Variants in ZBTB25 observed in about 807,000 individuals in gnomAD.
The protein encoded by ZBTB25 is zinc finger and BTB domain containing 25, also known as zinc finger and BTB domain-containing protein 25.
In ZBTB25, 20 loss-of-function variants were observed where a neutral mutation model predicts 34.2. The ratio of observed to expected loss-of-function variants is 0.58; its 90% CI spans 0.41 to 0.85. The LOEUF is 0.85. ZBTB25 is among the 40% of genes least tolerant of loss of function. The pLI is 0.00. For synonymous variants in ZBTB25, 175 were observed against 186.4 expected (o/e 0.94, Z 0.50); for missense variants, 437 against 521.8 (o/e 0.84, Z 1.58).
intron 2 of ZBTB25, among the ~76,000 whole-genome samples, chr14:64,459,099 A>G (rs765859603): frequency 3.3e-5 from 5 of 152,226 alleles, no homozygotes; most frequent in Non-Finnish European, 5.9e-5. Context: ...GTCACAGGGA[A>G]GATGACTTTC....
chr14:64,486,903 A>G lies in ZBTB25; in HGVS notation c.*20T>C. 6.5e-7 allele frequency: 1 copy of G among 1,537,124 alleles called. No homozygotes were observed. Among genetic ancestry groups the G allele is most frequent in the Non-Finnish European group, 8.8e-7 (1 of 1,142,488 alleles). On this transcript the variant is annotated 3_prime_UTR_variant, in exon 3 of 3. Transcript: ENST00000608382. ...ATTTTCTTTTTCAGAATTGGTATAAAAATTCTGAAAGAGAAGCTGCTACTC... is the reference window on the plus strand; with the variant it reads ...ATTTTCTTTTTCAGAATTGGTATAAGAATTCTGAAAGAGAAGCTGCTACTC...
upstream of ZBTB25, chr14:64,504,632 A>G: frequency 3.2e-6 from 1 of 309,854 alleles, no homozygotes; most frequent in Non-Finnish European, 5.8e-6. Context: ...CCAGCGGCAG[A>G]GTGGGTGGGC....
upstream of ZBTB25, chr14:64,504,988 C>T (rs988661867): frequency 7.6e-6 from 3 of 392,406 alleles, no homozygotes; most frequent in African/African-American, 2.1e-5. Context: ...GCAACTTTGG[C>T]CCAGGCCGGA....
At position 64,482,162 on chromosome 14, in the gene ZBTB25, A is replaced by G. The variant is rs2078802255; in HGVS notation, c.*4761T>C. ...TATTTAGATCACCTACATCAAAGAA[A>G]TAAAAATAGGCTGGGCCCAGTGGCC... On this transcript the variant is annotated 3_prime_UTR_variant, in exon 3 of 3. Coordinates refer to ENST00000608382, the MANE Select transcript of ZBTB25 (RefSeq NM_006977.5). 6.6e-6 allele frequency: 1 copy of G among 152,164 alleles called. No individual in the cohort carries two copies. Among genetic ancestry groups the G allele is most frequent in the African/African-American group, 2.4e-5 (1 of 41,426 alleles). The allele number at this position is 152,164 out of a possible 1,614,324, so 9.4% of individuals were successfully genotyped here. A position where few individuals can be genotyped will look rare whatever the true frequency, so the allele number is the denominator to read the frequency against.
chr14:64,458,648 G>A, intron 2 of ZBTB25: 1 of 376,440 alleles, frequency 2.7e-6, no homozygotes, highest in Non-Finnish European at 5.1e-6. Context: ...CAGAGTTGAT[G>A]ACACATTGCA....
At position 64,479,443 on chromosome 14, in the gene ZBTB25, T is replaced by C. The variant is rs375745080; in HGVS notation, c.*7480A>G. 24 of 152,288 alleles carry C rather than the reference T, an allele frequency of 1.6e-4. No individual in the cohort carries two copies. In the East Asian group the frequency reaches 4.0e-3, roughly 26 times the overall value. 9.4% of individuals were successfully genotyped at this position (152,288 alleles called of 1,614,324 possible). On this transcript the variant is annotated 3_prime_UTR_variant, in exon 3 of 3. Coordinates refer to ENST00000608382, the MANE Select transcript of ZBTB25 (RefSeq NM_006977.5). ...GGGGATAGCCCTGTGTAATGTTTAA[T>C]TTTATGTGTCCAAATGACTGGGCCA...
At position 64,478,945 on chromosome 14, in the gene ZBTB25, T is replaced by G. The variant is rs1229702490; in HGVS notation, c.*7978A>C. On this transcript the variant is annotated 3_prime_UTR_variant, in exon 3 of 3. Transcript: ENST00000608382. ...TGAAGAGACCTCTTTGGGGAGACAATTATTTAGTTCAAACATTATATGAAT... is the reference window on the plus strand; with the variant it reads ...TGAAGAGACCTCTTTGGGGAGACAAGTATTTAGTTCAAACATTATATGAAT... 6.6e-6 allele frequency: 1 copy of G among 152,202 alleles called. No homozygotes were observed. Among genetic ancestry groups the G allele is most frequent in the East Asian group, 1.9e-4 (1 of 5,204 alleles). The allele number at this position is 152,202 out of a possible 1,614,324, so 9.4% of individuals were successfully genotyped here. A position where few individuals can be genotyped will look rare whatever the true frequency, so the allele number is the denominator to read the frequency against.
At chr14:64,454,963 A>AACTCT in intron 2 of ZBTB25, 1 of 1,383,634 alleles carries the variant, frequency 7.2e-7, no homozygotes, top group Non-Finnish European at 1.0e-6. Context: ...ATGCCAAGTG[A>AACTCT]GCAGAGTTCA....
chr14:64,450,351 A>AG (rs1169533512), intron 2 of ZBTB25, among the ~76,000 whole-genome samples: 1 of 152,204 alleles, frequency 6.6e-6, no homozygotes, highest in East Asian at 1.9e-4. Flanking sequence ...GTAATAGGGG[A>AG]AAGAAGTGTG....
downstream of ZBTB25, among the ~76,000 whole-genome samples, chr14:64,477,684 C>G (rs1272443252): frequency 6.6e-6 from 1 of 152,196 alleles, no homozygotes; most frequent in African/African-American, 2.4e-5. Flanking sequence ...GGTTTTCCTC[C>G]CTATATGGTA....
chr14:64,459,982 G>A lies in ZBTB25; in HGVS notation c.174-10344C>T, dbSNP rs555466113. On this transcript the variant is annotated intron_variant, in intron 2 of 2. Coordinates refer to the ZBTB25 transcript ENST00000555220. Reference sequence around the variant, plus strand: ...CTGTTTACTTTAGTGACGTTCCACAGAATAAAAGGAAACAAGTTTGCCATC... The same window carrying A: ...CTGTTTACTTTAGTGACGTTCCACAAAATAAAAGGAAACAAGTTTGCCATC... 3.4e-6 allele frequency: 5 copies of A among 1,450,270 alleles called. No individual in the cohort carries two copies. In the East Asian group the frequency reaches 7.4e-5, roughly 22 times the overall value. 89.8% of individuals were successfully genotyped at this position (1,450,270 alleles called of 1,614,324 possible).
intron 2 of ZBTB25, among the ~76,000 whole-genome samples, chr14:64,464,479 T>C (rs1164203244): frequency 3.9e-5 from 6 of 152,232 alleles, no homozygotes; most frequent in Non-Finnish European, 8.8e-5. Context: ...TAAGCCTCTG[T>C]GGAAACTACA....
At chr14:64,468,373 A>G in intron 2 of ZBTB25, 1 of 1,556,838 alleles carries the variant, frequency 6.4e-7, no homozygotes, top group Admixed American at 2.1e-5. Context: ...AGTTTTCTAG[A>G]GAATAAGAGT....
intron 1 of ZBTB25, among the ~76,000 whole-genome samples, chr14:64,495,958 A>G (rs2079260487): frequency 7.0e-6 from 1 of 142,126 alleles, no homozygotes; most frequent in Non-Finnish European, 1.6e-5. Flanking sequence ...TCCATCTCAA[A>G]AGGAAAAAAA....
At chr14:64,492,244 T>C (rs2079109025) in intron 1 of ZBTB25, among the ~76,000 whole-genome samples, 1 of 151,660 alleles carries the variant, frequency 6.6e-6, no homozygotes, top group Non-Finnish European at 1.5e-5. Flanking sequence ...TTTGCTCTTG[T>C]TGACCAGGCT....
At chr14:64,473,309 G>A (rs1050897181), downstream of ZBTB25, 1 of 167,080 alleles carries the variant, frequency 6.0e-6, no homozygotes, top group Admixed American at 6.5e-5. Context: ...CATAAATGGA[G>A]TTGTTCAGAA....
In ZBTB25 at chr14:64,480,462, T is replaced by C. The variant is rs536869227; in HGVS notation, c.*6461A>G. On this transcript the variant is annotated 3_prime_UTR_variant, in exon 3 of 3. Coordinates refer to ENST00000608382, the MANE Select transcript of ZBTB25 (RefSeq NM_006977.5). Reference sequence around the variant, plus strand: ...AATTTTCGATTAACACAGATTATGGTCGGTAAGAATTAGGTCCACAAATGC... The same window carrying C: ...AATTTTCGATTAACACAGATTATGGCCGGTAAGAATTAGGTCCACAAATGC... 457 of 340,324 alleles carry C rather than the reference T, an allele frequency of 1.3e-3. 3 individuals carry two copies. Among genetic ancestry groups the C allele is most frequent in the African/African-American group, 9.3e-3 (422 of 45,262 alleles). The allele number at this position is 340,324 out of a possible 1,614,324, so 21.1% of individuals were successfully genotyped here.
intron 2 of ZBTB25, chr14:64,468,552 C>G (rs748943738): frequency 4.6e-5 from 75 of 1,613,960 alleles, no homozygotes; most frequent in Non-Finnish European, 5.9e-5. Context: ...AAAGCTGGCT[C>G]TGAAGCTGCT....
intron 2 of ZBTB25, chr14:64,453,803 C>G: frequency 3.1e-6 from 5 of 1,613,054 alleles, no homozygotes; most frequent in Non-Finnish European, 4.2e-6. Flanking sequence ...ATCTATGGAG[C>G]AGATGACATT....
Sources: allele counts gnomAD v4.1 joint callset (sites outside exome capture counted in the v4.1 genomes callset), GRCh38; gene constraint gnomAD v4.1.1; transcripts MANE v1.5; gene names NCBI Gene and HGNC (gene_info 2026-07-23, HGNC 2026-07-21).